The following COP1 variants were observed in gnomAD, a reference collection of about 807,000 sequenced individuals.
COP1 encodes COP1 E3 ubiquitin ligase, also known as E3 ubiquitin-protein ligase COP1.
COP1 carries 24 observed loss-of-function variants against 101.3 expected under a neutral mutation model. The ratio of observed to expected loss-of-function variants is 0.24; its 90% CI spans 0.17 to 0.33. COP1 has a LOEUF of 0.33. Ranked by LOEUF, COP1 falls within the 10% of genes least tolerant of loss-of-function variation. The probability of loss-of-function intolerance (pLI) is 1.00; values close to 1 mark genes in which losing one functional copy is unlikely to be tolerated. For synonymous variants in COP1, 347 were observed against 341.9 expected (o/e 1.01, Z -0.17); for missense variants, 663 against 906.2 (o/e 0.73, Z 3.45).
At chr1:176,074,178 C>T (rs1284672669) in intron 11 of COP1, among the ~76,000 whole-genome samples, 4 of 152,146 alleles carry the variant, frequency 2.6e-5, no homozygotes, top group African/African-American at 9.7e-5. Context: ...CTGCCTGCCT[C>T]GGCCCCGCAA....
chr1:176,141,862 CGGGGACT>C (rs1690740643), intron 6 of COP1, among the ~76,000 whole-genome samples: 1 of 151,886 alleles, frequency 6.6e-6, no homozygotes, highest in African/African-American at 2.4e-5. Context: ...TCCCAAGTAG[CGGGGACT>C]ACAGGCACAC....
chr1:176,198,619 T>C (rs1296427069), intron 1 of COP1, among the ~76,000 whole-genome samples: 2 of 151,988 alleles, frequency 1.3e-5, no homozygotes, highest in Non-Finnish European at 2.9e-5. Flanking sequence ...ACTTTATCGA[T>C]ACATTAGAAA....
At chr1:175,958,486 C>A (rs1650948262) in intron 18 of COP1, among the ~76,000 whole-genome samples, 1 of 151,916 alleles carries the variant, frequency 6.6e-6, no homozygotes, top group South Asian at 2.1e-4. Flanking sequence ...TCTCCCTGTT[C>A]AATATAGATG....
intron 18 of COP1, among the ~76,000 whole-genome samples, chr1:175,950,031 A>G (rs1225164551): frequency 6.6e-6 from 1 of 152,242 alleles, no homozygotes; most frequent in Non-Finnish European, 1.5e-5. Flanking sequence ...AGGAGTTTAA[A>G]ATATGTACAA....
At chr1:176,057,097 C>A (rs1345663211) in intron 11 of COP1, among the ~76,000 whole-genome samples, 1 of 152,202 alleles carries the variant, frequency 6.6e-6, no homozygotes, top group Non-Finnish European at 1.5e-5. Context: ...GAAAGACAAA[C>A]TACCCCTGCG....
At position 176,037,061 on chromosome 1, in the gene COP1, A is replaced by G. The variant is rs572653067; in HGVS notation, c.1612+6125T>C. On this transcript the variant is annotated intron_variant, in intron 14 of 19. Transcript: ENST00000367669. Reference sequence around the variant, plus strand: ...TAGTTAAAACCTTCAAACAAAGAAAACTACACGCCCAGAAAGCTTCACTGA... The same window carrying G: ...TAGTTAAAACCTTCAAACAAAGAAAGCTACACGCCCAGAAAGCTTCACTGA... 3.9e-5 allele frequency among the ~76,000 whole-genome samples: 6 copies of G among 152,310 alleles called. No individual in the cohort carries two copies. The East Asian group carries it at 9.6e-4, about 24-fold the overall frequency.
Position 176,020,315 on chromosome 1 carries a change from A to G in COP1, c.1729+7257T>C, listed in dbSNP as rs1263185616. On this transcript the variant is annotated intron_variant, in intron 15 of 19. Transcript: ENST00000367669. ...GACAAAGTGAGACTCCATCTCGGAA[A>G]AAAAAAAAAAAAAAAACCTTCATAC... Among the ~76,000 whole-genome samples the G allele has an allele frequency of 2.4e-3, 363 of 151,064 alleles. 2 individuals carry two copies. Among genetic ancestry groups the G allele is most frequent in the African/African-American group, 8.4e-3 (345 of 41,170 alleles).
chr1:176,116,948 T>C (rs1037159152), intron 8 of COP1, among the ~76,000 whole-genome samples: 37 of 152,230 alleles, frequency 2.4e-4, no homozygotes, highest in Non-Finnish European at 5.0e-4. Flanking sequence ...GATGTCTATA[T>C]AGATTTACTT....
intron 11 of COP1, among the ~76,000 whole-genome samples, chr1:176,075,486 GA>G (rs1228116568): frequency 1.3e-5 from 2 of 152,198 alleles, no homozygotes; most frequent in African/African-American, 4.8e-5. Flanking sequence ...CGTTCTAAGA[GA>G]TTTGAACACA....
intron 18 of COP1, among the ~76,000 whole-genome samples, chr1:175,952,069 C>T (rs573113344): frequency 1.3e-5 from 2 of 152,272 alleles, no homozygotes; most frequent in East Asian, 1.9e-4. Context: ...AGAGAAAGAT[C>T]GCCAATTTCC....
chr1:176,103,995 A>G (rs929554675), intron 9 of COP1, among the ~76,000 whole-genome samples: 1 of 152,210 alleles, frequency 6.6e-6, no homozygotes, highest in Non-Finnish European at 1.5e-5. Flanking sequence ...AAGAGAAGCT[A>G]AGATAGGGGA....
intron 3 of COP1, among the ~76,000 whole-genome samples, chr1:176,174,007 A>AAAAAAAAAAAGAG (rs1456552067): frequency 1.6e-5 from 2 of 121,930 alleles, no homozygotes; most frequent in Admixed American, 9.3e-5. Context: ...AAAAAAAAAA[A>AAAAAAAAAAAGAG]AGAGAATATA....
At chr1:176,072,730 C>A (rs1199193312) in intron 11 of COP1, among the ~76,000 whole-genome samples, 2 of 152,024 alleles carry the variant, frequency 1.3e-5, no homozygotes, top group East Asian at 3.9e-4. Context: ...ACATTTGCTG[C>A]AATTATAAAT....
intron 5 of COP1, among the ~76,000 whole-genome samples, chr1:176,152,429 T>G (rs1338573812): frequency 3.3e-5 from 5 of 152,074 alleles, no homozygotes; most frequent in Non-Finnish European, 7.4e-5. Flanking sequence ...ACATTGTAAA[T>G]TAGAAGTAAT....
intron 18 of COP1, among the ~76,000 whole-genome samples, chr1:175,965,125 C>T (rs891683528): frequency 1.3e-5 from 2 of 151,824 alleles, no homozygotes; most frequent in African/African-American, 2.4e-5. Flanking sequence ...TGGGCTGTTA[C>T]TATTTGTACT....
intron 4 of COP1, 85 bp downstream of exon 4, chr1:176,163,730 T>C: frequency 2.4e-6 from 2 of 843,116 alleles, no homozygotes; most frequent in South Asian, 1.8e-5. Context: ...AATAATATAC[T>C]AAACTTTAAC....
chr1:175,950,306 T>C (rs1448577634), intron 18 of COP1, among the ~76,000 whole-genome samples: 1 of 152,092 alleles, frequency 6.6e-6, no homozygotes, highest in Non-Finnish European at 1.5e-5. Flanking sequence ...TGGCTTCATA[T>C]CTCAGTACAT....
At chr1:176,099,505 GTCTCTCTCTC>G (rs145354415) in intron 9 of COP1, among the ~76,000 whole-genome samples, 98 of 143,898 alleles carry the variant, frequency 6.8e-4, no homozygotes, top group South Asian at 2.7e-3. Context: ...GAGCATATTT[GTCTCTCTCTC>G]TCTCTCTCTC....
chr1:176,118,395 G>A (rs1355213003), intron 8 of COP1, among the ~76,000 whole-genome samples: 1 of 151,558 alleles, frequency 6.6e-6, no homozygotes, highest in Non-Finnish European at 1.5e-5. Flanking sequence ...AAAATTACAC[G>A]AAAGAAAGAA....
Sources: gnomAD v4.1 joint callset for allele counts (sites outside exome capture counted in the v4.1 genomes callset) on GRCh38, gnomAD v4.1.1 for gene constraint, MANE v1.5 for transcripts, NCBI Gene and HGNC (gene_info 2026-07-23, HGNC 2026-07-21) for gene names.